PRKCQ: variants seen among roughly 807,000 people sequenced by gnomAD.
The protein encoded by PRKCQ is protein kinase C theta.
PRKCQ carries 41 observed loss-of-function variants against 91.2 expected under a neutral mutation model. That is an observed-to-expected ratio of 0.45 (90% CI 0.35 to 0.58). PRKCQ has a LOEUF of 0.58. Among genes scored for constraint, PRKCQ ranks in the 20% least tolerant of loss-of-function variants. The pLI is 0.00. For synonymous variants in PRKCQ, 307 were observed against 316.9 expected (o/e 0.97, Z 0.33); for missense variants, 673 against 896.5 (o/e 0.75, Z 3.18).
chr10:6,410,767 G>A, the PRKCQ span, among the ~76,000 whole-genome samples: 13 of 152,274 alleles, frequency 8.5e-5, no homozygotes, highest in African/African-American at 2.9e-4. Context: ...TGGATCACCT[G>A]AGGTTAGGAG....
chr10:6,465,939 G>C lies in PRKCQ; in HGVS notation c.1354-1535C>G, dbSNP rs1478018361. On this transcript the variant is annotated intron_variant, in intron 12 of 17. Transcript: ENST00000263125. The surrounding 1 kb of genome is among the most constrained non-coding windows in gnomAD (Gnocchi z 4.4). ...TTAACACAGATTTCAAACCCAATTT[G>C]AGAGTCGTCATTGGCTTTGCCTGCA... Among the ~76,000 whole-genome samples, 2 of 152,172 alleles carry C rather than the reference G, an allele frequency of 1.3e-5. No homozygotes were observed. The highest frequency in any genetic ancestry group is 2.9e-5 in the Non-Finnish European group (2 of 68,034).
intron 12 of PRKCQ, among the ~76,000 whole-genome samples, chr10:6,472,523 T>G (rs1836039785): frequency 6.6e-6 from 1 of 152,204 alleles, no homozygotes; most frequent in Non-Finnish European, 1.5e-5. Flanking sequence ...TAAATAACAT[T>G]TAAAAGGTGT....
intron 1 of PRKCQ, among the ~76,000 whole-genome samples, chr10:6,516,873 C>A (rs1180323095): frequency 1.3e-5 from 2 of 152,134 alleles, no homozygotes; most frequent in African/African-American, 2.4e-5. Flanking sequence ...GCTTCCATTA[C>A]AGCAAGGAAG....
rs758476295 is a variant in PRKCQ at position 6,430,180 on chromosome 10, CT to C, written c.1965+629del. 1.3e-5 allele frequency among the ~76,000 whole-genome samples: 2 copies of C among 152,160 alleles called. No homozygotes were observed. The highest frequency in any genetic ancestry group is 3.9e-4 in the East Asian group (2 of 5,192). On this transcript the variant is annotated intron_variant, in intron 17 of 17. Coordinates refer to ENST00000263125, the MANE Select transcript of PRKCQ (RefSeq NM_006257.5). The surrounding 1 kb of genome is among the most constrained non-coding windows in gnomAD (Gnocchi z 4.7). ...CAACCTTGCTTTATTTTTGACTTCACTTTATGGTGGCCCGTCTCGCAGGTGA... is the reference window on the plus strand; with the variant it reads ...CAACCTTGCTTTATTTTTGACTTCACTTATGGTGGCCCGTCTCGCAGGTGA...
intron 1 of PRKCQ, among the ~76,000 whole-genome samples, chr10:6,518,383 T>C (rs1429605220): frequency 6.6e-6 from 1 of 152,190 alleles, no homozygotes; most frequent in East Asian, 1.9e-4. Context: ...TTCTGTGGTA[T>C]TTAAGCTCTT....
intron 1 of PRKCQ, among the ~76,000 whole-genome samples, chr10:6,533,513 G>A (rs936474677): frequency 6.6e-6 from 1 of 152,088 alleles, no homozygotes; most frequent in East Asian, 1.9e-4. Context: ...CACTCCTGAC[G>A]CTGTACATTC....
the PRKCQ span, among the ~76,000 whole-genome samples, chr10:6,411,939 G>C: frequency 1.3e-5 from 2 of 152,146 alleles, no homozygotes; most frequent in Non-Finnish European, 2.9e-5. Flanking sequence ...CTAAGTATTT[G>C]ATAGATACTA....
intron 9 of PRKCQ, 103 bp from the exon 10 acceptor site, chr10:6,485,372 C>T (rs1333917742): frequency 2.3e-6 from 2 of 865,044 alleles, no homozygotes; most frequent in African/African-American, 1.7e-5. Flanking sequence ...TGTTTAAATG[C>T]ATAGGGTCAA....
At chr10:6,469,403 A>G (rs1384138110) in intron 12 of PRKCQ, among the ~76,000 whole-genome samples, 1 of 152,126 alleles carries the variant, frequency 6.6e-6, no homozygotes, top group Non-Finnish European at 1.5e-5. Flanking sequence ...CTGTTTAGGT[A>G]TGGAATTCCG....
chr10:6,487,518 A>G (rs1836995276), intron 8 of PRKCQ, among the ~76,000 whole-genome samples: 1 of 152,142 alleles, frequency 6.6e-6, no homozygotes, highest in Admixed American at 6.5e-5. Flanking sequence ...TCTATACAGG[A>G]TTCTAGCTTG....
intron 1 of PRKCQ, chr10:6,515,636 G>A (rs543821183): frequency 1.1e-4 from 53 of 464,676 alleles, no homozygotes; most frequent in African/African-American, 1.0e-3. Context: ...CAAGGCATTC[G>A]GCAGCTGATC....
chr10:6,432,065 G>T (rs10796145), intron 16 of PRKCQ, among the ~76,000 whole-genome samples: 1 of 151,990 alleles, frequency 6.6e-6, no homozygotes, highest in East Asian at 1.9e-4. Context: ...AGTAGTTACC[G>T]GTTATTCTTA....
chr10:6,482,931 A>G (rs186284289), intron 11 of PRKCQ, among the ~76,000 whole-genome samples: 6 of 152,280 alleles, frequency 3.9e-5, no homozygotes, highest in Admixed American at 6.5e-5. Context: ...GGTCCCTCCC[A>G]TGACACCTGG....
intron 15 of PRKCQ, among the ~76,000 whole-genome samples, chr10:6,451,202 AGAG>A (rs1834655723): frequency 6.7e-6 from 1 of 149,404 alleles, no homozygotes; most frequent in East Asian, 2.3e-4. Flanking sequence ...AGAAAAAAAG[AGAG>A]AAGAATCATA....
At chr10:6,495,384 T>C (rs1003412900) in intron 7 of PRKCQ, among the ~76,000 whole-genome samples, 4 of 152,322 alleles carry the variant, frequency 2.6e-5, no homozygotes, top group South Asian at 2.1e-4. Context: ...CTGGAACACA[T>C]TGGACTCTCC....
chr10:6,413,324 T>G, the PRKCQ span, among the ~76,000 whole-genome samples: 1 of 151,988 alleles, frequency 6.6e-6, no homozygotes, highest in Non-Finnish European at 1.5e-5. Context: ...CAAAAACAAA[T>G]GAAATATAAA....
chr10:6,459,063 T>C (rs555456829), intron 14 of PRKCQ, among the ~76,000 whole-genome samples: 12 of 152,218 alleles, frequency 7.9e-5, no homozygotes, highest in Non-Finnish European at 1.2e-4. Context: ...TGAAGCTGGA[T>C]GCACCTGTTG....
chr10:6,537,771 T>C (rs1384653398), intron 1 of PRKCQ, among the ~76,000 whole-genome samples: 1 of 152,212 alleles, frequency 6.6e-6, no homozygotes, highest in African/African-American at 2.4e-5. Flanking sequence ...AAAGACACTT[T>C]CATCTCAGTT....
At chr10:6,572,298 A>T (rs1003388073) in intron 1 of PRKCQ, among the ~76,000 whole-genome samples, 1 of 151,976 alleles carries the variant, frequency 6.6e-6, no homozygotes, top group Non-Finnish European at 1.5e-5. Flanking sequence ...TAAACGTGCC[A>T]TGGTGGTTTG....
Sources: allele counts gnomAD v4.1 joint callset (sites outside exome capture counted in the v4.1 genomes callset), GRCh38; gene constraint gnomAD v4.1.1; non-coding constraint Gnocchi (gnomAD v3.1); transcripts MANE v1.5; gene names NCBI Gene and HGNC (gene_info 2026-07-23, HGNC 2026-07-21).